RELL1: variants seen among roughly 807,000 people sequenced by gnomAD.
RELL1 encodes RELT like 1.
Under a neutral mutation model 23.0 loss-of-function variants are expected in RELL1, and 10 were observed. The observed-to-expected ratio is 0.43, with a 90% CI of 0.27 to 0.74. RELL1 has a LOEUF of 0.74. RELL1 is among the 30% of genes least tolerant of loss of function. RELL1 has a pLI of 0.19. For synonymous variants in RELL1, 146 were observed against 146.8 expected, an observed-to-expected ratio of 0.99 and a Z score of 0.04; for missense variants, 315 against 364.4, an observed-to-expected ratio of 0.86 and a Z score of 1.10.
intron 1 of RELL1, among the ~76,000 whole-genome samples, chr4:37,658,661 G>A (rs113108623): frequency 8.5e-5 from 13 of 152,266 alleles, no homozygotes; most frequent in East Asian, 7.7e-4. Flanking sequence ...GTCTGCATAC[G>A]TAAAACACGA....
intron 6 of RELL1, among the ~76,000 whole-genome samples, chr4:37,600,138 T>C (rs571101274): frequency 7.9e-5 from 12 of 152,100 alleles, no homozygotes; most frequent in African/African-American, 2.9e-4. Context: ...GGCGTGGTGG[T>C]GCACACCTGT....
chr4:37,607,726 C>T (rs1406058907), downstream of RELL1, among the ~76,000 whole-genome samples: 2 of 151,836 alleles, frequency 1.3e-5, no homozygotes, highest in Non-Finnish European at 2.9e-5. Flanking sequence ...GATATAGACA[C>T]GCACCACCAC....
At chr4:37,651,706 C>T (rs533530609) in intron 1 of RELL1, among the ~76,000 whole-genome samples, 16 of 152,226 alleles carry the variant, frequency 1.1e-4, no homozygotes, top group African/African-American at 2.9e-4. Context: ...CTGTTTGGTG[C>T]GCTTTCCTCA....
chr4:37,605,706 C>A (rs1480030280), downstream of RELL1, among the ~76,000 whole-genome samples: 1 of 150,592 alleles, frequency 6.6e-6, no homozygotes, highest in African/African-American at 2.5e-5. Flanking sequence ...TGTACCACTG[C>A]ACTCTGGCCT....
chr4:37,656,818 T>C (rs538624361), intron 1 of RELL1, among the ~76,000 whole-genome samples: 1 of 152,360 alleles, frequency 6.6e-6, no homozygotes, highest in East Asian at 1.9e-4. Context: ...ATTTTGTCAC[T>C]GATGTCATGA....
chr4:37,619,610 C>G (rs1719701490), intron 6 of RELL1, among the ~76,000 whole-genome samples: 1 of 152,204 alleles, frequency 6.6e-6, no homozygotes. Flanking sequence ...CTCTGTCACC[C>G]AGGCTGGAAT....
intron 1 of RELL1, among the ~76,000 whole-genome samples, chr4:37,685,713 C>A (rs975088455): frequency 2.0e-5 from 3 of 152,200 alleles, no homozygotes; most frequent in Admixed American, 6.5e-5. Flanking sequence ...TAAATGGAAA[C>A]GTGGAAAGAG....
At chr4:37,670,092 TA>T (rs960748100) in intron 1 of RELL1, among the ~76,000 whole-genome samples, 2 of 150,580 alleles carry the variant, frequency 1.3e-5, no homozygotes, top group African/African-American at 4.9e-5. Flanking sequence ...AGGAACCTGT[TA>T]AAAAAAATAC....
downstream of RELL1, chr4:37,590,654 A>T (rs1208122095): frequency 3.7e-6 from 6 of 1,614,168 alleles, no homozygotes; most frequent in Admixed American, 8.3e-5. Context: ...GACAACGTTG[A>T]TCATAATGAA....
chr4:37,588,004 T>C (rs1718408594), downstream of RELL1: 1 of 152,214 alleles, frequency 6.6e-6, no homozygotes, highest in African/African-American at 2.4e-5. Context: ...AGGCTGTAGA[T>C]ATTAGAAATG....
intron 6 of RELL1, 52 bp from the exon 7 acceptor site, chr4:37,613,394 T>G (rs1719474043): frequency 6.6e-6 from 1 of 151,810 alleles, no homozygotes; most frequent in Non-Finnish European, 1.5e-5. Flanking sequence ...AAGCATCATA[T>G]CACATATTAA....
At chr4:37,670,920 A>C (rs180970706) in intron 1 of RELL1, among the ~76,000 whole-genome samples, 1 of 152,372 alleles carries the variant, frequency 6.6e-6, no homozygotes, top group Admixed American at 6.5e-5. Flanking sequence ...TCTTCTAAAT[A>C]GTAAACTATG....
chr4:37,684,654 G>A (rs76101445), intron 1 of RELL1, among the ~76,000 whole-genome samples: 3,033 of 152,246 alleles, frequency 0.02, 45 homozygotes, highest in East Asian at 0.054. Flanking sequence ...AACGCAGGAT[G>A]AAAATCAAAA....
At chr4:37,639,816 A>C (rs3849012) in intron 3 of RELL1, among the ~76,000 whole-genome samples, 97,051 of 152,144 alleles carry the variant, frequency 0.64, 31,272 homozygotes, top group Middle Eastern at 0.72. Context: ...CAACACCAAC[A>C]TTTAATGTTT....
chr4:37,596,584 A>T (rs571153579), intron 6 of RELL1, among the ~76,000 whole-genome samples: 5 of 150,934 alleles, frequency 3.3e-5, no homozygotes. Context: ...AAGTAACAAC[A>T]TATCAGAGCA....
intron 1 of RELL1, among the ~76,000 whole-genome samples, chr4:37,665,753 T>C (rs2109302372): frequency 6.6e-6 from 1 of 152,300 alleles, no homozygotes; most frequent in Non-Finnish European, 1.5e-5. Context: ...GGGTGCTCCT[T>C]TAGGAAATCA....
At chr4:37,596,935 A>G (rs185008117) in intron 6 of RELL1, among the ~76,000 whole-genome samples, 22 of 151,136 alleles carry the variant, frequency 1.5e-4, no homozygotes, top group African/African-American at 5.3e-4. Context: ...TTTACTGGAG[A>G]CAGGGTTTTG....
chr4:37,637,559 GC>G (rs1461978526), intron 4 of RELL1, among the ~76,000 whole-genome samples: 1 of 152,068 alleles, frequency 6.6e-6, no homozygotes, highest in Non-Finnish European at 1.5e-5. Flanking sequence ...CTTCCTGAAT[GC>G]CCATTGGCCC....
intron 6 of RELL1, among the ~76,000 whole-genome samples, chr4:37,615,491 G>A (rs534948743): frequency 1.3e-4 from 20 of 152,302 alleles, no homozygotes; most frequent in Non-Finnish European, 1.9e-4. Flanking sequence ...TTGTCCTGCA[G>A]CAGTCAGAAA....
Sources: gnomAD v4.1 joint callset for allele counts (sites outside exome capture counted in the v4.1 genomes callset) on GRCh38, gnomAD v4.1.1 for gene constraint, MANE v1.5 for transcripts, NCBI Gene and HGNC (gene_info 2026-07-23, HGNC 2026-07-21) for gene names.